DOCK1: variants seen among roughly 807,000 people sequenced by gnomAD.
DOCK1 encodes dedicator of cytokinesis 1, also known as dedicator of cytokinesis protein 1.
DOCK1 carries 138 observed loss-of-function variants against 262.7 expected under a neutral mutation model. The observed-to-expected ratio is 0.53, with a 90% CI of 0.46 to 0.61. DOCK1 has a LOEUF of 0.61. Among genes scored for constraint, DOCK1 ranks in the 20% least tolerant of loss-of-function variants. The pLI, the probability that DOCK1 is intolerant of heterozygous loss-of-function variation, is 0.00. For synonymous variants in DOCK1, 866 were observed against 867.4 expected (o/e 1.00, Z 0.03); for missense variants, 1,908 against 2,370.7 (o/e 0.80, Z 4.05).
intron 1 of DOCK1, 37 bp downstream of exon 1, chr10:126,905,600 A>G (rs757801460): frequency 9.2e-6 from 3 of 326,736 alleles, no homozygotes. Flanking sequence ...TCTCGCCCCA[A>G]GCCCAGGCTC....
intron 27 of DOCK1, among the ~76,000 whole-genome samples, chr10:127,229,604 T>G (rs1447238936): frequency 6.6e-6 from 1 of 152,212 alleles, no homozygotes; most frequent in Non-Finnish European, 1.5e-5. Context: ...CACTGTGTTT[T>G]TAGATCACAT....
chr10:126,921,093 G>T (rs2033144286), intron 1 of DOCK1, among the ~76,000 whole-genome samples: 2 of 151,858 alleles, frequency 1.3e-5, no homozygotes, highest in South Asian at 4.2e-4. Context: ...CCAGCTACTG[G>T]GGAGGCTGAG....
intron 37 of DOCK1, among the ~76,000 whole-genome samples, chr10:127,382,927 T>C (rs1013737552): frequency 6.6e-6 from 1 of 152,228 alleles, no homozygotes; most frequent in African/African-American, 2.4e-5. Context: ...TGCATTGCTG[T>C]TTCCCCTGGG....
chr10:127,023,372 C>A (rs9418698), intron 14 of DOCK1, 48 bp downstream of exon 14: 2 of 1,606,822 alleles, frequency 1.2e-6, no homozygotes, highest in Middle Eastern at 1.7e-4. Context: ...GTTTTACTTG[C>A]CAAGTGCTCA....
chr10:127,246,606 T>C (rs1363899324), intron 27 of DOCK1, among the ~76,000 whole-genome samples: 3 of 152,220 alleles, frequency 2.0e-5, no homozygotes, highest in Non-Finnish European at 4.4e-5. Flanking sequence ...TTATCATCAT[T>C]CACAAATAAT....
At chr10:127,429,376 C>T (rs1370021408) in intron 47 of DOCK1, among the ~76,000 whole-genome samples, 1 of 152,054 alleles carries the variant, frequency 6.6e-6, no homozygotes, top group African/African-American at 2.4e-5. Flanking sequence ...CTTGTCCTTC[C>T]CTGAGAAATG....
chr10:126,954,787 A>G (rs1464890301), intron 1 of DOCK1, among the ~76,000 whole-genome samples: 1 of 152,136 alleles, frequency 6.6e-6, no homozygotes, highest in African/African-American at 2.4e-5. Context: ...TGTGGGTAGT[A>G]TTTCATTATA....
chr10:127,179,613 T>G (rs902278925), intron 27 of DOCK1, among the ~76,000 whole-genome samples: 2 of 152,172 alleles, frequency 1.3e-5, no homozygotes, highest in Non-Finnish European at 2.9e-5. Flanking sequence ...ACACATCTTT[T>G]CGGGGTGTTC....
In DOCK1 at chr10:126,996,304, C is replaced by T. The variant is rs565299680; in HGVS notation, c.474-444C>T. Among the ~76,000 whole-genome samples the T allele has an allele frequency of 2.7e-3, 398 of 146,650 alleles. 1 individual carries two copies. The highest frequency in any genetic ancestry group is 9.5e-3 in the African/African-American group (375 of 39,464). On this transcript the variant is annotated intron_variant, in intron 6 of 51. Transcript: ENST00000623213. ...CTGAGGCAGGAGAATTGCTTGAACC[C>T]GGGAGATGGAGGTTGCAGTGAGCCG...
intron 24 of DOCK1, among the ~76,000 whole-genome samples, chr10:127,107,956 C>T (rs1367351630): frequency 2.0e-5 from 3 of 152,168 alleles, no homozygotes; most frequent in African/African-American, 7.2e-5. Flanking sequence ...CAAATTAGCC[C>T]CTCACCGATG....
intron 12 of DOCK1, chr10:127,013,356 T>C (rs1591645996): frequency 6.6e-6 from 1 of 152,226 alleles, no homozygotes; most frequent in Non-Finnish European, 1.5e-5. Context: ...ACACTTTAAT[T>C]GAAAACCACG....
intron 1 of DOCK1, among the ~76,000 whole-genome samples, chr10:126,944,747 G>T (rs891166905): frequency 6.6e-6 from 1 of 151,444 alleles, no homozygotes; most frequent in Non-Finnish European, 1.5e-5. Context: ...CAGAGACTTG[G>T]CTGCAAAAAG....
intron 27 of DOCK1, among the ~76,000 whole-genome samples, chr10:127,246,652 C>T (rs2059440941): frequency 6.6e-6 from 1 of 152,154 alleles, no homozygotes; most frequent in Non-Finnish European, 1.5e-5. Flanking sequence ...ATCATATCAT[C>T]ATTATTGTGT....
At chr10:126,914,396 A>C (rs182390070) in intron 1 of DOCK1, among the ~76,000 whole-genome samples, 227 of 150,900 alleles carry the variant, frequency 1.5e-3, no homozygotes, top group African/African-American at 5.3e-3. Flanking sequence ...TCAGTTTTAA[A>C]TTTTATTTTA....
intron 27 of DOCK1, among the ~76,000 whole-genome samples, chr10:127,244,052 G>C (rs917885091): frequency 6.6e-6 from 1 of 151,956 alleles, no homozygotes; most frequent in African/African-American, 2.4e-5. Flanking sequence ...AATGTTTCTT[G>C]ATTTAATGGT....
Position 127,373,791 on chromosome 10 carries a change from A to C in DOCK1, c.3443A>C (p.Glu1148Ala). The C allele has an allele frequency of 1.9e-6, 3 of 1,610,210 alleles. No individual in the cohort carries two copies. Among genetic ancestry groups the C allele is most frequent in the Non-Finnish European group, 2.5e-6 (3 of 1,178,132 alleles). The change falls in exon 34 of 52, where the codon GAG becomes GCG. Residue 1148 changes from glutamate to alanine, a missense_variant. Transcript: ENST00000623213. ...TCTGTTTAATTATAGTTTGAAAATG[A>C]GATCATCACCAAGCTGGATCATGAA... is the stretch of plus-strand genomic sequence containing the variant. Reference protein sequence around the residue: ...STRSFQMFENEIITKLDHEVE... With the variant: ...STRSFQMFENAIITKLDHEVE...
intron 28 of DOCK1, among the ~76,000 whole-genome samples, chr10:127,249,993 A>G (rs1307647403): frequency 6.6e-6 from 1 of 152,232 alleles, no homozygotes; most frequent in Non-Finnish European, 1.5e-5. Flanking sequence ...AAATCATGGC[A>G]TAGCGAAATC....
rs570907786 is a variant in DOCK1 at position 127,043,271 on chromosome 10, C to G, written c.2201+107C>G. On this transcript the variant is annotated intron_variant, in intron 21 of 51. Coordinates refer to ENST00000623213, the MANE Select transcript of DOCK1 (RefSeq NM_001290223.2). ...CTATGACTGTGTATTTACTCCTGCT[C>G]AAAACTCTGAGTTTACTGGAATAAT... is the stretch of plus-strand genomic sequence containing the variant. 277 of 847,036 alleles carry G rather than the reference C, an allele frequency of 3.3e-4. No homozygotes were observed. In the African/African-American group the frequency reaches 4.4e-3, roughly 13 times the overall value. The allele number at this position is 847,036 out of a possible 1,614,324, so 52.5% of individuals were successfully genotyped here.
intron 23 of DOCK1, among the ~76,000 whole-genome samples, chr10:127,073,428 C>T (rs2046343728): frequency 6.6e-6 from 1 of 152,232 alleles, no homozygotes; most frequent in African/African-American, 2.4e-5. Context: ...AGTCTAATTA[C>T]AGAAACCCAA....
Sources: gnomAD v4.1 joint callset for allele counts (sites outside exome capture counted in the v4.1 genomes callset) on GRCh38, gnomAD v4.1.1 for gene constraint, MANE v1.5 for transcripts, NCBI Gene and HGNC (gene_info 2026-07-23, HGNC 2026-07-21) for gene names.